Variants in TMEM117 observed in about 807,000 individuals in gnomAD.
TMEM117 encodes transmembrane protein 117.
In TMEM117, 27 loss-of-function variants were observed where a neutral mutation model predicts 52.4. That is an observed-to-expected ratio of 0.51 (90% CI 0.38 to 0.71). The LOEUF is 0.71. Ranked by LOEUF, TMEM117 falls within the 30% of genes least tolerant of loss-of-function variation. TMEM117 has a pLI of 0.00. For synonymous variants in TMEM117, 215 were observed against 206.3 expected (o/e 1.04, Z -0.36); for missense variants, 556 against 630.5 (o/e 0.88, Z 1.26).
chr12:44,283,180 G>A (rs1950598891), intron 5 of TMEM117, among the ~76,000 whole-genome samples: 1 of 152,230 alleles, frequency 6.6e-6, no homozygotes, highest in Non-Finnish European at 1.5e-5. Context: ...TGCTAGGGCA[G>A]TGCAGAAGGG....
chr12:44,356,874 T>C (rs1296069055), intron 6 of TMEM117, among the ~76,000 whole-genome samples: 1 of 152,148 alleles, frequency 6.6e-6, no homozygotes, highest in Non-Finnish European at 1.5e-5. Flanking sequence ...ATACTCTACC[T>C]TCGTTGTTAT....
At chr12:44,315,953 T>A (rs980084448) in intron 6 of TMEM117, among the ~76,000 whole-genome samples, 2 of 152,196 alleles carry the variant, frequency 1.3e-5, no homozygotes. Flanking sequence ...TTCTTTACTT[T>A]GAGCCTGTAA....
At chr12:44,366,919 T>G (rs986263692) in intron 6 of TMEM117, among the ~76,000 whole-genome samples, 4 of 152,086 alleles carry the variant, frequency 2.6e-5, no homozygotes, top group African/African-American at 9.7e-5. Context: ...TAACTACTGG[T>G]ACAGCAGTGG....
chr12:44,125,351 C>T (rs1299087692), intron 3 of TMEM117, among the ~76,000 whole-genome samples: 1 of 152,142 alleles, frequency 6.6e-6, no homozygotes, highest in Non-Finnish European at 1.5e-5. Context: ...TTGTGATCTG[C>T]CCGCCTCGGC....
chr12:44,274,935 A>C (rs894710787), intron 5 of TMEM117, among the ~76,000 whole-genome samples: 1 of 152,160 alleles, frequency 6.6e-6, no homozygotes, highest in African/African-American at 2.4e-5. Flanking sequence ...AAAGGCAACC[A>C]AAGGAAAAGT....
At chr12:44,028,322 T>A (rs1047094858) in intron 3 of TMEM117, among the ~76,000 whole-genome samples, 7 of 152,208 alleles carry the variant, frequency 4.6e-5, no homozygotes, top group African/African-American at 1.7e-4. Context: ...GTGTTTAAGC[T>A]TAACGTTATT....
chr12:43,888,662 C>T (rs1592335863), intron 2 of TMEM117, among the ~76,000 whole-genome samples: 1 of 151,000 alleles, frequency 6.6e-6, no homozygotes, highest in African/African-American at 2.4e-5. Flanking sequence ...ATTCTCCTGC[C>T]TCAGCCTCCC....
chr12:43,818,470 G>A, the TMEM117 span, among the ~76,000 whole-genome samples: 6 of 146,824 alleles, frequency 4.1e-5, no homozygotes, highest in East Asian at 6.0e-4. Context: ...AGATGGAATC[G>A]CGCTCTGTCG....
intron 3 of TMEM117, among the ~76,000 whole-genome samples, chr12:43,975,849 G>A (rs962857431): frequency 2.6e-5 from 4 of 152,158 alleles, no homozygotes; most frequent in Non-Finnish European, 5.9e-5. Context: ...AAAGCAGAAA[G>A]CATTATGGCT....
chr12:44,346,845 A>T (rs1951494122), intron 6 of TMEM117, among the ~76,000 whole-genome samples: 1 of 152,104 alleles, frequency 6.6e-6, no homozygotes, highest in Non-Finnish European at 1.5e-5. Flanking sequence ...AGCTCACTGA[A>T]GTGGCAAAAT....
chr12:44,368,231 A>G (rs1448836515), intron 6 of TMEM117, among the ~76,000 whole-genome samples: 1 of 152,056 alleles, frequency 6.6e-6, no homozygotes, highest in African/African-American at 2.4e-5. Context: ...ACTATTCTCC[A>G]TCCCCCTTCT....
intron 2 of TMEM117, among the ~76,000 whole-genome samples, chr12:43,884,978 G>A (rs1022340592): frequency 1.2e-4 from 19 of 152,250 alleles, no homozygotes; most frequent in Admixed American, 5.2e-4. Flanking sequence ...TGGCACGCTC[G>A]CAACGTATTT....
chr12:44,210,360 A>G (rs1949629682), intron 4 of TMEM117, among the ~76,000 whole-genome samples: 1 of 152,166 alleles, frequency 6.6e-6, no homozygotes, highest in Non-Finnish European at 1.5e-5. Context: ...TAGATTAACT[A>G]TTTATAATAC....
chr12:44,017,570 G>C (rs1193583889), intron 3 of TMEM117, among the ~76,000 whole-genome samples: 1 of 152,010 alleles, frequency 6.6e-6, no homozygotes, highest in Non-Finnish European at 1.5e-5. Flanking sequence ...GGGGTTTTTA[G>C]TTGAAACCAG....
intron 3 of TMEM117, among the ~76,000 whole-genome samples, chr12:44,110,158 G>C (rs1448260169): frequency 9.1e-5 from 10 of 109,508 alleles, no homozygotes; most frequent in South Asian, 3.6e-4. Context: ...TGCAAACAGG[G>C]ACAATTTGAC....
At chr12:44,043,798 A>G (rs1020344332) in intron 3 of TMEM117, among the ~76,000 whole-genome samples, 4 of 152,224 alleles carry the variant, frequency 2.6e-5, no homozygotes, top group African/African-American at 9.6e-5. Flanking sequence ...TCTAGTTTAT[A>G]TAAACAGAAA....
chr12:44,279,763 C>T (rs1950555981), intron 5 of TMEM117, among the ~76,000 whole-genome samples: 1 of 152,158 alleles, frequency 6.6e-6, no homozygotes, highest in African/African-American at 2.4e-5. Context: ...ATCCGCCCAC[C>T]CTGGCCTCCC....
At chr12:44,110,357 C>A (rs1194646159) in intron 3 of TMEM117, among the ~76,000 whole-genome samples, 1 of 111,250 alleles carries the variant, frequency 9.0e-6, no homozygotes, top group East Asian at 2.9e-4. Flanking sequence ...ATAGATAGCT[C>A]TTATTATTTT....
At chr12:43,908,673 C>CA (rs957541883) in intron 2 of TMEM117, among the ~76,000 whole-genome samples, 19 of 151,472 alleles carry the variant, frequency 1.3e-4, no homozygotes, top group East Asian at 1.9e-4. Context: ...AAATGGAAAA[C>CA]AAAAAAAGGC....
Sources: gnomAD v4.1 joint callset for allele counts (sites outside exome capture counted in the v4.1 genomes callset) on GRCh38, gnomAD v4.1.1 for gene constraint, MANE v1.5 for transcripts, NCBI Gene and HGNC (gene_info 2026-07-23, HGNC 2026-07-21) for gene names.